The following SMARCC1 variants were observed in gnomAD, a reference collection of about 807,000 sequenced individuals.
SMARCC1 encodes SWI/SNF complex subunit SMARCC1.
A neutral mutation model predicts 147.4 loss-of-function variants in SMARCC1; 43 were observed. The ratio of observed to expected loss-of-function variants is 0.29; its 90% CI spans 0.23 to 0.38. The LOEUF (loss-of-function observed/expected upper bound fraction) is 0.38, where lower values mean the gene tolerates loss of function less well. Among genes scored for constraint, SMARCC1 ranks in the 10% least tolerant of loss-of-function variants. SMARCC1 has a pLI of 1.00. For synonymous variants in SMARCC1, 495 were observed against 484.4 expected, an observed-to-expected ratio of 1.02 and a Z score of -0.29; for missense variants, 1,119 against 1,381.1, an observed-to-expected ratio of 0.81 and a Z score of 3.01.
At chr3:47,690,627 G>A (rs193184862) in intron 12 of SMARCC1, among the ~76,000 whole-genome samples, 88 of 152,246 alleles carry the variant, frequency 5.8e-4, no homozygotes, top group Non-Finnish European at 8.4e-4. Context: ...GACCCAAATC[G>A]GGGTTCTGCA....
intron 1 of SMARCC1, among the ~76,000 whole-genome samples, chr3:47,778,205 A>C (rs1186306083): frequency 1.3e-5 from 2 of 148,256 alleles, no homozygotes; most frequent in Non-Finnish European, 3.0e-5. Context: ...AAAAAAAACA[A>C]AAAACAAAAA....
intron 14 of SMARCC1, 58 bp downstream of exon 14, chr3:47,685,991 C>T (rs1345134650): frequency 6.8e-7 from 1 of 1,480,208 alleles, no homozygotes; most frequent in East Asian, 2.4e-5. Flanking sequence ...AACCTGATTT[C>T]AAGGAAAGTT....
chr3:47,638,682 T>G, intron 22 of SMARCC1, 43 bp downstream of exon 22: 4 of 1,469,760 alleles, frequency 2.7e-6, no homozygotes, highest in Non-Finnish European at 2.9e-6. Flanking sequence ...CATTATGGTC[T>G]GAAAGGCATG....
intron 6 of SMARCC1, among the ~76,000 whole-genome samples, chr3:47,726,895 T>C (rs191971928): frequency 6.6e-6 from 1 of 152,250 alleles, no homozygotes; most frequent in East Asian, 1.9e-4. Context: ...ATTTCCTTTT[T>C]TTTTCAAGGC....
At chr3:47,677,947 T>G (rs866236110) in intron 16 of SMARCC1, among the ~76,000 whole-genome samples, 21 of 151,912 alleles carry the variant, frequency 1.4e-4, no homozygotes, top group African/African-American at 4.8e-4. Flanking sequence ...GGCCAGGAGA[T>G]CGAGACCAGC....
At position 47,706,454 on chromosome 3, in the gene SMARCC1, G is replaced by C; in HGVS notation, c.995C>G (p.Pro332Arg). ...CCGTGATTCTGTTGGTGTCGGAGGG[G>C]GAGGCGAAGGCGAATGTTTCCTCTT... The part of the protein sequence containing the change: ...ARKRKHSPSP[P>R]PPTPTESRKK... Residue 332 changes from proline (P) to arginine (R), a missense_variant, in exon 10 of 28, where the codon CCC becomes CGC. Pro to Arg is a moderately radical substitution (Grantham distance 103, BLOSUM62 -2). Coordinates refer to ENST00000254480, the MANE Select transcript of SMARCC1 (RefSeq NM_003074.4). 1 of 1,579,484 alleles carries C rather than the reference G, an allele frequency of 6.3e-7. No individual in the cohort carries two copies. The highest frequency in any genetic ancestry group is 1.2e-5 in the South Asian group (1 of 85,072).
intron 19 of SMARCC1, chr3:47,663,835 C>T (rs929548549): frequency 1.3e-6 from 2 of 1,579,382 alleles, no homozygotes; most frequent in African/African-American, 1.3e-5. Context: ...ACAGCCAGCG[C>T]TCTCAGCTCA....
chr3:47,630,884 G>A (rs944481722), intron 24 of SMARCC1, among the ~76,000 whole-genome samples: 1 of 152,090 alleles, frequency 6.6e-6, no homozygotes, highest in Non-Finnish European at 1.5e-5. Flanking sequence ...GCAATATAGG[G>A]AGACCCCGTC....
chr3:47,659,760 A>AGGGGGGGG (rs71619691), intron 21 of SMARCC1, among the ~76,000 whole-genome samples: 2 of 47,778 alleles, frequency 4.2e-5, no homozygotes, highest in Non-Finnish European at 3.7e-5. Context: ...GAAAAAAAAA[A>AGGGGGGGG]GGGGGGGGGG....
chr3:47,667,605 G>A (rs187360674), intron 19 of SMARCC1, among the ~76,000 whole-genome samples: 3 of 152,218 alleles, frequency 2.0e-5, no homozygotes, highest in East Asian at 1.9e-4. Flanking sequence ...AAGGCCAAGC[G>A]CGGTGGCTTG....
chr3:47,616,086 C>T (rs187184671), intron 25 of SMARCC1, among the ~76,000 whole-genome samples: 6 of 152,366 alleles, frequency 3.9e-5, no homozygotes, highest in Admixed American at 2.0e-4. Context: ...GATCCATTCT[C>T]AATGGCCTCA....
At position 47,708,083 on chromosome 3, in the gene SMARCC1, C is replaced by CTTTTTTTCTTTTT. The variant is rs1559650534; in HGVS notation, c.919-1554_919-1553insAAAAAGAAAAAAA. ...GTAAATCTGAAGTTGAATTTTTTTT[C>CTTTTTTTCTTTTT]TTTTTTTTTTTTTTTTTTTTTTTTT... On this transcript the variant is annotated intron_variant, in intron 9 of 27. Transcript: ENST00000254480. Among the ~76,000 whole-genome samples, 195 of 64,222 alleles carry CTTTTTTTCTTTTT rather than the reference C, an allele frequency of 3.0e-3. 2 individuals are homozygous for CTTTTTTTCTTTTT. Among genetic ancestry groups the CTTTTTTTCTTTTT allele is most frequent in the Middle Eastern group, 0.037 (2 of 54 alleles). The allele number at this position is 64,222 out of a possible 152,430, so 42.1% of individuals were successfully genotyped here. A position where few individuals can be genotyped will look rare whatever the true frequency, so the allele number is the denominator to read the frequency against.
chr3:47,705,695 C>T (rs2033983908), intron 10 of SMARCC1, among the ~76,000 whole-genome samples: 1 of 152,144 alleles, frequency 6.6e-6, no homozygotes, highest in Admixed American at 6.5e-5. Context: ...TTGACTGTCA[C>T]ATGAAAATAA....
At chr3:47,692,479 A>G (rs963732493) in intron 12 of SMARCC1, among the ~76,000 whole-genome samples, 1 of 152,244 alleles carries the variant, frequency 6.6e-6, no homozygotes, top group African/African-American at 2.4e-5. Flanking sequence ...CAATTCTTTC[A>G]GTGACATTTG....
At chr3:47,603,992 G>A (rs771178980) in intron 26 of SMARCC1, 9 of 456,784 alleles carry the variant, frequency 2.0e-5, no homozygotes, top group Admixed American at 2.3e-5. Context: ...AGGCATGCAC[G>A]CAGTAGTCTC....
At position 47,750,383 on chromosome 3, in the gene SMARCC1, C is replaced by T. The variant is rs527676543; in HGVS notation, c.316-4390G>A. On this transcript the variant is annotated intron_variant, in intron 2 of 27. Coordinates refer to ENST00000254480, the MANE Select transcript of SMARCC1 (RefSeq NM_003074.4). ...CCGAGAGGCAGAGGATGCAGTGAGCCGGGATCGCGCCAGGGCACTCCAGCT... is the reference window on the plus strand; with the variant it reads ...CCGAGAGGCAGAGGATGCAGTGAGCTGGGATCGCGCCAGGGCACTCCAGCT... Among the ~76,000 whole-genome samples the T allele has an allele frequency of 2.6e-5, 4 of 152,126 alleles. No individual in the cohort carries two copies. In the East Asian group the frequency reaches 5.8e-4, roughly 22 times the overall value.
Position 47,588,107 on chromosome 3 carries a change from G to A in SMARCC1, c.*102C>T. The A allele has an allele frequency of 1.1e-6, 1 of 946,328 alleles. No individual in the cohort carries two copies. Among genetic ancestry groups the A allele is most frequent in the Non-Finnish European group, 1.7e-6 (1 of 605,828 alleles). The allele number at this position is 946,328 out of a possible 1,614,324, so 58.6% of individuals were successfully genotyped here. A position where few individuals can be genotyped will look rare whatever the true frequency, so the allele number is the denominator to read the frequency against. On this transcript the variant is annotated 3_prime_UTR_variant, in exon 28 of 28. Transcript: ENST00000254480. Reference sequence around the variant, plus strand: ...GGACACGTGCTTGGAGCTGTGAGAAGAAAAATCCTGAAAGAAACCCAAGAA... The same window carrying A: ...GGACACGTGCTTGGAGCTGTGAGAAAAAAAATCCTGAAAGAAACCCAAGAA...
chr3:47,633,393 T>C, intron 24 of SMARCC1, among the ~76,000 whole-genome samples: 1 of 152,052 alleles, frequency 6.6e-6, no homozygotes. Context: ...GGTTGCAGGT[T>C]TGAAGACTGA....
intron 18 of SMARCC1, among the ~76,000 whole-genome samples, chr3:47,671,197 A>AACAAAAAAAAAAAAAC (rs2033497146): frequency 1.6e-5 from 1 of 62,260 alleles, no homozygotes; most frequent in Non-Finnish European, 4.1e-5. Flanking sequence ...AAAAAAAAAA[A>AACAAAAAAAAAAAAAC]ACACACACAA....
Sources: allele counts gnomAD v4.1 joint callset (sites outside exome capture counted in the v4.1 genomes callset), GRCh38; gene constraint gnomAD v4.1.1; transcripts MANE v1.5; gene names NCBI Gene and HGNC (gene_info 2026-07-23, HGNC 2026-07-21).